Variants in SCN7A observed in about 807,000 individuals in gnomAD.
SCN7A encodes sodium channel protein type 7 subunit alpha.
Under a neutral mutation model 155.2 loss-of-function variants are expected in SCN7A, and 138 were observed. That is an observed-to-expected ratio of 0.89 (90% CI 0.77 to 1.02). The LOEUF is 1.02. Ranked by LOEUF, SCN7A falls within the 50% of genes least tolerant of loss-of-function variation. The pLI is 0.00. For missense variants in SCN7A, 2,058 were observed against 1,986.6 expected, an observed-to-expected ratio of 1.04 and a Z score of -0.68; for synonymous variants, 693 against 649.0, an observed-to-expected ratio of 1.07 and a Z score of -1.03.
intron 10 of SCN7A, 102 bp downstream of exon 10, chr2:166,462,287 T>C (rs913633259): frequency 8.9e-6 from 11 of 1,242,782 alleles, no homozygotes; most frequent in Non-Finnish European, 1.2e-5. Flanking sequence ...CCAATTCTTC[T>C]GCACATAAAA....
At chr2:166,443,831 G>A (rs912151235) in intron 13 of SCN7A, among the ~76,000 whole-genome samples, 155 bp from the exon 14 acceptor site, 1 of 152,134 alleles carries the variant, frequency 6.6e-6, no homozygotes, top group African/African-American at 2.4e-5. Context: ...AGTCTGCATT[G>A]TAAGGACAGA....
Position 166,450,750 on chromosome 2 carries a change from C to T in SCN7A, c.1291-3042G>A, listed in dbSNP as rs541868604. 3.3e-5 allele frequency among the ~76,000 whole-genome samples: 5 copies of T among 151,964 alleles called. No individual in the cohort carries two copies. In the East Asian group the frequency reaches 5.8e-4, roughly 18 times the overall value. ...CAGAGGTTGCAGTGAGACCAGATTG[C>T]GCCACTGCACTCCAGCCTGGCGACA... On this transcript the variant is annotated intron_variant, in intron 11 of 25. Coordinates refer to ENST00000643258, the MANE Select transcript of SCN7A (RefSeq NM_002976.4).
chr2:166,442,559 T>A (rs563055053), intron 14 of SCN7A, among the ~76,000 whole-genome samples: 1 of 147,398 alleles, frequency 6.8e-6, no homozygotes, highest in South Asian at 2.2e-4. Context: ...ACTAATTTTT[T>A]ATTTTTTTTT....
At chr2:166,478,327 GAA>G (rs924006728) in intron 2 of SCN7A, among the ~76,000 whole-genome samples, 1 of 148,658 alleles carries the variant, frequency 6.7e-6, no homozygotes, top group Non-Finnish European at 1.5e-5. Flanking sequence ...TATATAAAAA[GAA>G]AAAAAAATTA....
At chr2:166,454,683 T>C (rs1702239608) in intron 11 of SCN7A, among the ~76,000 whole-genome samples, 1 of 152,136 alleles carries the variant, frequency 6.6e-6, no homozygotes, top group South Asian at 2.1e-4. Context: ...TCTCTCTATT[T>C]TTCGTTCTCT....
At chr2:166,480,319 G>C (rs1040155240) in intron 2 of SCN7A, among the ~76,000 whole-genome samples, 1 of 151,982 alleles carries the variant, frequency 6.6e-6, no homozygotes, top group African/African-American at 2.4e-5. Context: ...TTAGCCTGGC[G>C]TGGTGGCGGG....
rs757890269 is a variant in SCN7A, at chr2:166,427,959, GGTAA to G, written c.2699-21_2699-18del. On this transcript the variant is annotated intron_variant, in intron 17 of 25. Transcript: ENST00000643258. ...GTCTGCAACCTGTCAAGATTGAATT[GGTAA>G]GAACAACAATCTAGAAAACTCATGA... The G allele has an allele frequency of 1.2e-6, 2 of 1,610,662 alleles. No individual in the cohort carries two copies. The highest frequency in any genetic ancestry group is 1.7e-6 in the Non-Finnish European group (2 of 1,177,972).
In SCN7A at chr2:166,405,480, A is replaced by G. The variant is rs999505486; in HGVS notation, c.*100T>C. On this transcript the variant is annotated 3_prime_UTR_variant, in exon 26 of 26. Transcript: ENST00000643258. Reference sequence around the variant, plus strand: ...TACAAGCTTAATTACCATCGGTTGTAAAGAACTGATTATTATCTCTACTTT... The same window carrying G: ...TACAAGCTTAATTACCATCGGTTGTGAAGAACTGATTATTATCTCTACTTT... The G allele has an allele frequency of 2.2e-6, 2 of 897,352 alleles. No homozygotes were observed. Among genetic ancestry groups the G allele is most frequent in the Non-Finnish European group, 3.4e-6 (2 of 592,464 alleles). 55.6% of individuals were successfully genotyped at this position (897,352 alleles called of 1,614,324 possible). A position where few individuals can be genotyped will look rare whatever the true frequency, so the allele number is the denominator to read the frequency against.
chr2:166,423,112 A>C, intron 19 of SCN7A, 147 bp downstream of exon 19: 1 of 734,272 alleles, frequency 1.4e-6, no homozygotes, highest in Non-Finnish European at 2.1e-6. Flanking sequence ...TAGATGTTAA[A>C]TATTACAAAC....
At chr2:166,421,795 G>T (rs1455479591) in intron 19 of SCN7A, among the ~76,000 whole-genome samples, 1 of 151,910 alleles carries the variant, frequency 6.6e-6, no homozygotes, top group Non-Finnish European at 1.5e-5. Flanking sequence ...TAAGTCAAAA[G>T]TACACACATT....
chr2:166,465,985 G>T lies in SCN7A; in HGVS notation c.667C>A (p.Leu223Met). 1.2e-6 allele frequency: 2 copies of T among 1,603,688 alleles called. No homozygotes were observed. The highest frequency in any genetic ancestry group is 1.7e-6 in the Non-Finnish European group (2 of 1,174,290). Residue 223 changes from leucine to methionine, a missense_variant and splice_region_variant, in exon 8 of 26, where the codon CTG (leucine) becomes ATG (methionine). Leu to Met is a conservative substitution (Grantham distance 15). Coordinates refer to ENST00000643258, the MANE Select transcript of SCN7A (RefSeq NM_002976.4). ...ILKIIPLNQG[L>M]KSLVGVLIHC... ...ATCAGGACCCCTACAAGGGATTTCA[G>T]ACCTGGAAAGAGAAACATTTGTTTT...
intron 9 of SCN7A, among the ~76,000 whole-genome samples, chr2:166,464,525 T>C (rs1229034145): frequency 6.6e-6 from 1 of 152,218 alleles, no homozygotes; most frequent in Non-Finnish European, 1.5e-5. Flanking sequence ...TATTTTGAAA[T>C]GCTGATTTTA....
At chr2:166,457,396 A>C (rs985156531) in intron 10 of SCN7A, among the ~76,000 whole-genome samples, 4 of 152,240 alleles carry the variant, frequency 2.6e-5, no homozygotes, top group Non-Finnish European at 5.9e-5. Context: ...TCATCTCTTG[A>C]TATAGAAACT....
chr2:166,450,123 ACT>A (rs1244457584), intron 11 of SCN7A, among the ~76,000 whole-genome samples: 2 of 152,156 alleles, frequency 1.3e-5, no homozygotes, highest in African/African-American at 4.8e-5. Flanking sequence ...ATACTATACC[ACT>A]CTAAAGAAGA....
chr2:166,419,690 C>T lies in SCN7A; in HGVS notation c.3135+1500G>A, dbSNP rs569283994. ...GCTGTTTTGTCATTTTAACTTCAAT[C>T]TTATCAAACCATTCAACCACCTTAT... On this transcript the variant is annotated intron_variant, in intron 20 of 25. Coordinates refer to ENST00000643258, the MANE Select transcript of SCN7A (RefSeq NM_002976.4). 8.7e-4 allele frequency among the ~76,000 whole-genome samples: 133 copies of T among 152,138 alleles called. 1 individual carries two copies. Among genetic ancestry groups the T allele is most frequent in the Non-Finnish European group, 1.7e-3 (116 of 68,006 alleles).
intron 11 of SCN7A, among the ~76,000 whole-genome samples, chr2:166,448,545 G>A (rs1702113840): frequency 6.6e-6 from 1 of 152,070 alleles, no homozygotes; most frequent in African/African-American, 2.4e-5. Context: ...TTTCCATAAT[G>A]GCTGTACTAA....
intron 7 of SCN7A, among the ~76,000 whole-genome samples, chr2:166,469,720 CT>C (rs1702612637): frequency 1.3e-5 from 2 of 151,880 alleles, no homozygotes; most frequent in South Asian, 4.2e-4. Context: ...AGTAAGGGAG[CT>C]AGAGCTGTGA....
chr2:166,444,941 A>G lies in SCN7A; in HGVS notation c.1447T>C (p.Leu483=). The G allele has an allele frequency of 6.2e-7, 1 of 1,613,676 alleles. No homozygotes were observed. The highest frequency in any genetic ancestry group is 8.5e-7 in the Non-Finnish European group (1 of 1,179,712). The change falls in exon 13 of 26, where the codon TTG becomes CTG. Residue 483 remains leucine (L), a synonymous_variant. Transcript: ENST00000643258. ...CAACAGGGAGAACAATTCCAGATCA[A>G]GAAAGTTTTAGCAAACTTATACCAG... ...LYWYKFAKTF[L]IWNCSPCWLK...
rs890298561 is a variant in SCN7A at position 166,413,195 on chromosome 2, G to A, written c.3415-74C>T. On this transcript the variant is annotated intron_variant, in intron 21 of 25. Coordinates refer to ENST00000643258, the MANE Select transcript of SCN7A (RefSeq NM_002976.4). Reference sequence around the variant, plus strand: ...AGTAAAATCTCAGTCTCTTATTAGTGCACTGAAATATTTGACATAGGCTTG... The same window carrying A: ...AGTAAAATCTCAGTCTCTTATTAGTACACTGAAATATTTGACATAGGCTTG... 4 of 821,154 alleles carry A rather than the reference G, an allele frequency of 4.9e-6. No homozygotes were observed. In the African/African-American group the frequency reaches 5.3e-5, roughly 11 times the overall value. 50.9% of individuals were successfully genotyped at this position (821,154 alleles called of 1,614,324 possible).
Sources: allele counts gnomAD v4.1 joint callset (sites outside exome capture counted in the v4.1 genomes callset), GRCh38; gene constraint gnomAD v4.1.1; transcripts MANE v1.5; gene names NCBI Gene and HGNC (gene_info 2026-07-23, HGNC 2026-07-21).